Variants in UTRN observed in about 807,000 individuals in gnomAD.
UTRN encodes the protein dystrophin-related protein 1.
Under a neutral mutation model 463.9 loss-of-function variants are expected in UTRN, and 283 were observed. That is an observed-to-expected ratio of 0.61 (90% CI 0.55 to 0.67). UTRN has a LOEUF of 0.67. Among genes scored for constraint, UTRN ranks in the 30% least tolerant of loss-of-function variants. The pLI is 0.00. For missense variants in UTRN, 3,922 were observed against 4,084.3 expected (o/e 0.96, Z 1.08); for synonymous variants, 1,442 against 1,431.5 (o/e 1.01, Z -0.17).
chr6:144,443,487 C>T (rs1471508837), intron 13 of UTRN, among the ~76,000 whole-genome samples: 1 of 152,040 alleles, frequency 6.6e-6, no homozygotes, highest in African/African-American at 2.4e-5. Context: ...AAAGCTTATT[C>T]TCATATTAAG....
chr6:144,347,140 C>G (rs1777656556), intron 2 of UTRN, among the ~76,000 whole-genome samples: 1 of 152,040 alleles, frequency 6.6e-6, no homozygotes, highest in African/African-American at 2.4e-5. Flanking sequence ...GTTTTGCCAT[C>G]CTTCCTGCTT....
chr6:144,846,883 A>G, intron 74 of UTRN, 56 bp downstream of exon 74: 1 of 1,603,316 alleles, frequency 6.2e-7, no homozygotes, highest in Non-Finnish European at 8.5e-7. Context: ...TAGAGTAAGC[A>G]GATTATCCAC....
At chr6:144,449,804 T>C (rs541157921) in intron 17 of UTRN, among the ~76,000 whole-genome samples, 1 of 152,318 alleles carries the variant, frequency 6.6e-6, no homozygotes, top group African/African-American at 2.4e-5. Flanking sequence ...AGGGTACTAG[T>C]TAAGAAGACA....
chr6:144,551,847 T>C (rs946469792), intron 48 of UTRN, among the ~76,000 whole-genome samples: 3 of 152,208 alleles, frequency 2.0e-5, no homozygotes, highest in African/African-American at 7.2e-5. Context: ...CTTACCTTTA[T>C]TTGCATTATT....
intron 41 of UTRN, 91 bp from the exon 42 acceptor site, chr6:144,530,961 A>C (rs1451429031): frequency 3.6e-6 from 5 of 1,396,236 alleles, no homozygotes; most frequent in Non-Finnish European, 4.8e-6. Context: ...CTTTCTGTTT[A>C]AATGAAATTT....
At chr6:144,802,975 C>T (rs1777834393) in intron 64 of UTRN, 61 bp from the exon 65 acceptor site, 1 of 1,195,222 alleles carries the variant, frequency 8.4e-7, no homozygotes, top group Admixed American at 2.9e-5. Context: ...AAATTTCTTA[C>T]CACAAATTTA....
rs74410484 is a variant in UTRN at position 144,338,352 on chromosome 6, C to T, written c.79+46445C>T. On this transcript the variant is annotated intron_variant, in intron 2 of 74. Coordinates refer to ENST00000367545, the MANE Select transcript of UTRN (RefSeq NM_007124.3). ...CAAATGGGTTAAAAAAAAAACCCGA[C>T]ATGCTCTTTGATTATTGGATAAGTT... 4.6e-3 allele frequency among the ~76,000 whole-genome samples: 699 copies of T among 151,958 alleles called. 10 individuals carry two copies. Among genetic ancestry groups the T allele is most frequent in the African/African-American group, 0.016 (664 of 41,436 alleles).
chr6:144,805,112 T>A, intron 65 of UTRN, among the ~76,000 whole-genome samples: 1 of 152,160 alleles, frequency 6.6e-6, no homozygotes, highest in East Asian at 1.9e-4. Context: ...AATTTGCAGC[T>A]TTTATAGGCC....
chr6:144,433,028 A>G (rs1234331678), intron 9 of UTRN, among the ~76,000 whole-genome samples: 1 of 152,224 alleles, frequency 6.6e-6, no homozygotes, highest in African/African-American at 2.4e-5. Flanking sequence ...ACAGGATCCC[A>G]AGGCAGAAGA....
At chr6:144,677,394 C>T (rs1258643258) in intron 51 of UTRN, among the ~76,000 whole-genome samples, 1 of 152,072 alleles carries the variant, frequency 6.6e-6, no homozygotes, top group African/African-American at 2.4e-5. Context: ...GTGTTAGTTG[C>T]TGAGGATGAT....
chr6:144,625,113 G>T (rs534086366), intron 51 of UTRN, among the ~76,000 whole-genome samples: 1 of 152,158 alleles, frequency 6.6e-6, no homozygotes, highest in African/African-American at 2.4e-5. Context: ...CCCTAATGAA[G>T]TACTTTCATT....
chr6:144,620,936 G>A (rs13201946), intron 51 of UTRN, among the ~76,000 whole-genome samples: 24,657 of 152,136 alleles, frequency 0.16, 2,168 homozygotes, highest in South Asian at 0.27. Context: ...TCAGGTGTAA[G>A]TGAGGAGAGC....
At chr6:144,739,755 A>C (rs977749094) in intron 54 of UTRN, among the ~76,000 whole-genome samples, 1 of 152,140 alleles carries the variant, frequency 6.6e-6, no homozygotes, top group African/African-American at 2.4e-5. Context: ...TATAGCTCAC[A>C]ACCTCATACC....
intron 7 of UTRN, among the ~76,000 whole-genome samples, chr6:144,427,083 A>C (rs1413410207): frequency 8.5e-5 from 13 of 152,202 alleles, no homozygotes; most frequent in Non-Finnish European, 1.8e-4. Context: ...TGGTGTTTTC[A>C]TATGGTTCAA....
At chr6:144,813,870 C>T (rs1778848997) in intron 65 of UTRN, among the ~76,000 whole-genome samples, 1 of 152,186 alleles carries the variant, frequency 6.6e-6, no homozygotes, top group Admixed American at 6.5e-5. Context: ...ATGCTCTTGC[C>T]TGCTGTGAGC....
Position 144,425,899 on chromosome 6 carries a change from A to G in UTRN, c.406-388A>G, listed in dbSNP as rs182909117. 2.5e-3 allele frequency among the ~76,000 whole-genome samples: 378 copies of G among 152,338 alleles called. 2 individuals are homozygous for G. The highest frequency in any genetic ancestry group is 4.2e-3 in the Non-Finnish European group (283 of 68,026). ...AAGATACTTTATTTTGTAGTCACTCAAAAGTTTTTCCTTTCTCATTTTTGT... is the reference window on the plus strand; with the variant it reads ...AAGATACTTTATTTTGTAGTCACTCGAAAGTTTTTCCTTTCTCATTTTTGT... On this transcript the variant is annotated intron_variant, in intron 6 of 74. Transcript: ENST00000367545.
Position 144,836,351 on chromosome 6 carries a change from G to T in UTRN, c.9875G>T (p.Gly3292Val). Residue 3292 changes from glycine (G) to valine (V), a missense_variant, in exon 71 of 75, where the codon GGG becomes GTG. This residue lies in a region of UTRN where 1,309 missense variants were observed against 1,452.6 expected (regional missense o/e 0.90). Coordinates refer to ENST00000367545, the MANE Select transcript of UTRN (RefSeq NM_007124.3). ...EQLKDQHLRR[G>V]LPVGSPPESI... ...CTGAAGGACCAGCACCTCCGAAGGG[G>T]GCTCCCTGTCGGTTCACCGCCAGAG... 6.2e-7 allele frequency: 1 copy of T among 1,614,076 alleles called. No individual in the cohort carries two copies.
intron 6 of UTRN, 111 bp downstream of exon 6, chr6:144,424,189 A>C: frequency 8.4e-7 from 1 of 1,195,304 alleles, no homozygotes; most frequent in Non-Finnish European, 1.2e-6. Context: ...CTTGAACAAC[A>C]GAAATTTGTT....
At chr6:144,437,444 T>C (rs1786675718) in intron 10 of UTRN, 121 bp from the exon 11 acceptor site, 1 of 915,174 alleles carries the variant, frequency 1.1e-6, no homozygotes, top group Admixed American at 3.6e-5. Flanking sequence ...TTATTTGCGC[T>C]CTACTAGGCT....
Sources: allele counts gnomAD v4.1 joint callset (sites outside exome capture counted in the v4.1 genomes callset), GRCh38; gene constraint gnomAD v4.1.1; regional missense constraint gnomAD v4.1.1; transcripts MANE v1.5; gene names NCBI Gene and HGNC (gene_info 2026-07-23, HGNC 2026-07-21).